The following UACA variants were observed in gnomAD, a reference collection of about 807,000 sequenced individuals.
UACA encodes the protein uveal autoantigen with coiled-coil domains and ankyrin repeats, also known as nuclear membrane binding protein.
Under a neutral mutation model 160.5 loss-of-function variants are expected in UACA, and 112 were observed. The observed-to-expected ratio is 0.70, with a 90% CI of 0.60 to 0.82. UACA has a LOEUF of 0.82. UACA is among the 40% of genes least tolerant of loss of function. The pLI, the probability that UACA is intolerant of heterozygous loss-of-function variation, is 0.00. For synonymous variants in UACA, 557 were observed against 568.4 expected (o/e 0.98, Z 0.29); for missense variants, 1,574 against 1,614.6 (o/e 0.97, Z 0.43).
intron 17 of UACA, among the ~76,000 whole-genome samples, chr15:70,662,709 A>G (rs1450000837): frequency 1.3e-5 from 2 of 152,224 alleles, no homozygotes; most frequent in East Asian, 1.9e-4. Flanking sequence ...ATAATGCCAC[A>G]TATCTACAAC....
At chr15:70,685,726 T>A (rs964132896) in intron 7 of UACA, among the ~76,000 whole-genome samples, 2 of 152,028 alleles carry the variant, frequency 1.3e-5, no homozygotes, top group Non-Finnish European at 2.9e-5. Context: ...CTATAAAAAA[T>A]ATAAAGCACT....
Position 70,666,982 on chromosome 15 carries a change from AC to A in UACA, c.3701del (p.Ser1234MetfsTer10). 1 of 1,612,646 alleles carries A rather than the reference AC, an allele frequency of 6.2e-7. No individual in the cohort carries two copies. Among genetic ancestry groups the A allele is most frequent in the Non-Finnish European group, 8.5e-7 (1 of 1,179,764 alleles). ...AGCTAGAAATCTGTGTCTCCAAATC[AC>A]TTTTTGTTGCTTTATATTTAGACAA... The part of the protein sequence containing the change: ...VDLSKYKATK[S>X]DLETQISSLN... On this transcript the variant is annotated frameshift_variant, in exon 16 of 19. Transcript: ENST00000322954. LOFTEE classifies it high-confidence loss of function.
chr15:70,736,095 C>T (rs1168352878), intron 1 of UACA, among the ~76,000 whole-genome samples: 1 of 152,058 alleles, frequency 6.6e-6, no homozygotes, highest in Non-Finnish European at 1.5e-5. Context: ...TAATATTATA[C>T]TGATAGATGT....
At chr15:70,741,225 C>G (rs1424133527) in intron 1 of UACA, among the ~76,000 whole-genome samples, 1 of 152,132 alleles carries the variant, frequency 6.6e-6, no homozygotes, top group Non-Finnish European at 1.5e-5. Context: ...CACTTAACAG[C>G]AGGCAAATAA....
chr15:70,682,789 T>C lies in UACA; in HGVS notation c.791A>G (p.Glu264Gly). ...TASENTNKGR[E>G]LWKKGPSLQQ... ...CAAAGATGGCCCTTTCTTCCAAAGT[T>C]CTCTCCCTAAGATTTAGAGAAAAAG... The change falls in exon 9 of 19, where the codon GAA becomes GGA. Residue 264 changes from glutamate (E) to glycine (G), a missense_variant. Transcript: ENST00000322954. The C allele has an allele frequency of 6.4e-7, 1 of 1,565,338 alleles. No individual in the cohort carries two copies. The highest frequency in any genetic ancestry group is 8.6e-7 in the Non-Finnish European group (1 of 1,157,648).
At chr15:70,723,489 G>T (rs747446678) in intron 1 of UACA, among the ~76,000 whole-genome samples, 1 of 152,114 alleles carries the variant, frequency 6.6e-6, no homozygotes, top group African/African-American at 2.4e-5. Flanking sequence ...CTTGAAATGG[G>T]TACTCTCCCT....
At chr15:70,770,148 A>C in the UACA span, among the ~76,000 whole-genome samples, 40 of 152,228 alleles carry the variant, frequency 2.6e-4, no homozygotes, top group Non-Finnish European at 5.9e-4. Flanking sequence ...GGAAGGAAAT[A>C]GTTCATGAAA....
chr15:70,659,081 A>C (rs188862933), intron 18 of UACA, among the ~76,000 whole-genome samples: 1 of 152,104 alleles, frequency 6.6e-6, no homozygotes, highest in Non-Finnish European at 1.5e-5. Flanking sequence ...ATTTTCTGCT[A>C]TTTCCCCACT....
chr15:70,667,726 G>A lies in UACA; in HGVS notation c.2958C>T (p.Ala986=). Residue 986 remains alanine (A), a synonymous_variant, in exon 16 of 19, where the codon GCC becomes GCT. Transcript: ENST00000322954. The part of the protein sequence containing the change: ...TIQECIKVKY[A]PIVSFEECER... Reference sequence around the variant, plus strand: ...CGCACTCCTCAAAGCTGACAATTGGGGCGTATTTTACCTTAATGCATTCTT... The same window carrying A: ...CGCACTCCTCAAAGCTGACAATTGGAGCGTATTTTACCTTAATGCATTCTT... 1.2e-6 allele frequency: 2 copies of A among 1,613,922 alleles called. No individual in the cohort carries two copies. The highest frequency in any genetic ancestry group is 2.2e-5 in the South Asian group (2 of 91,064).
At chr15:70,723,358 A>G (rs111607921) in intron 1 of UACA, among the ~76,000 whole-genome samples, 1 of 152,240 alleles carries the variant, frequency 6.6e-6, no homozygotes, top group Non-Finnish European at 1.5e-5. Context: ...GGTGGTACAC[A>G]TCGGTAGTCC....
intron 1 of UACA, among the ~76,000 whole-genome samples, chr15:70,703,755 A>AC (rs1296490622): frequency 6.6e-6 from 1 of 151,946 alleles, no homozygotes; most frequent in Non-Finnish European, 1.5e-5. Context: ...GCTGCCTGCC[A>AC]CCTCCCCAGC....
chr15:70,752,661 T>C (rs1266774892), intron 1 of UACA, among the ~76,000 whole-genome samples: 1 of 151,994 alleles, frequency 6.6e-6, no homozygotes, highest in African/African-American at 2.4e-5. Context: ...TTAAAATGAT[T>C]TGTGCATCTG....
chr15:70,720,843 C>T (rs1003501308), intron 1 of UACA, among the ~76,000 whole-genome samples: 2 of 152,166 alleles, frequency 1.3e-5, no homozygotes, highest in Non-Finnish European at 2.9e-5. Context: ...ATGTGACATG[C>T]TTTGGCAGTC....
chr15:70,692,009 T>C (rs950608572), intron 3 of UACA, among the ~76,000 whole-genome samples: 6 of 151,908 alleles, frequency 3.9e-5, no homozygotes, highest in African/African-American at 1.5e-4. Flanking sequence ...GAAAAGAAAC[T>C]TGTAGGAACT....
chr15:70,711,200 T>C (rs184761331), intron 1 of UACA, among the ~76,000 whole-genome samples: 1 of 152,320 alleles, frequency 6.6e-6, no homozygotes, highest in East Asian at 1.9e-4. Context: ...TTTATATTTA[T>C]TTTCAAAGGG....
chr15:70,666,620 GTC>G, intron 16 of UACA, 102 bp downstream of exon 16: 1 of 921,904 alleles, frequency 1.1e-6, no homozygotes, highest in East Asian at 3.0e-5. Context: ...ACTGGAAAGG[GTC>G]ACTTTGTTAA....
intron 1 of UACA, chr15:70,703,335 T>C (rs1898431161): frequency 2.5e-6 from 3 of 1,203,130 alleles, no homozygotes; most frequent in African/African-American, 1.6e-5. Context: ...TGCTATATTA[T>C]AGATCATGCT....
intron 1 of UACA, among the ~76,000 whole-genome samples, chr15:70,760,591 A>G (rs1350680832): frequency 6.6e-6 from 1 of 151,988 alleles, no homozygotes; most frequent in African/African-American, 2.4e-5. Flanking sequence ...GGTGGATCAC[A>G]AGGTCAAGAG....
rs758008300 is a variant in UACA at position 70,668,001 on chromosome 15, G to A, written c.2683C>T (p.Gln895Ter). 6.2e-7 allele frequency: 1 copy of A among 1,601,180 alleles called. No homozygotes were observed. Among genetic ancestry groups the A allele is most frequent in the Middle Eastern group, 1.7e-4 (1 of 5,786 alleles). Residue 895 changes from glutamine to a stop codon, truncating the protein, a stop_gained, in exon 16 of 19, where the codon CAG (glutamine) becomes TAG (stop). Coordinates refer to ENST00000322954, the MANE Select transcript of UACA (RefSeq NM_018003.4). LOFTEE classifies it high-confidence loss of function. ...DVKKKFEDIN[Q>*]EFVKIKDKNE... Reference sequence around the variant, plus strand: ...TTATCTTTTATTTTTACAAATTCCTGATTTATATCTTCAAATTTTTTCTTC... The same window carrying A: ...TTATCTTTTATTTTTACAAATTCCTAATTTATATCTTCAAATTTTTTCTTC...
Sources: gnomAD v4.1 joint callset for allele counts (sites outside exome capture counted in the v4.1 genomes callset) on GRCh38, gnomAD v4.1.1 for gene constraint, MANE v1.5 for transcripts, NCBI Gene and HGNC (gene_info 2026-07-23, HGNC 2026-07-21) for gene names.